Variants in ZNRF3 observed in about 807,000 individuals in gnomAD.
ZNRF3 encodes the protein zinc and ring finger 3.
ZNRF3 carries 23 observed loss-of-function variants against 72.5 expected under a neutral mutation model. The ratio of observed to expected loss-of-function variants is 0.32; its 90% confidence interval spans 0.23 to 0.45. The LOEUF is 0.45. Among genes scored for constraint, ZNRF3 ranks in the 20% least tolerant of loss-of-function variants. The pLI is 1.00. For synonymous variants in ZNRF3, 610 were observed against 545.3 expected (o/e 1.12, Z -1.65); for missense variants, 1,169 against 1,272.1 (o/e 0.92, Z 1.23).
At chr22:28,886,524 A>G (rs928212118) in intron 1 of ZNRF3, among the ~76,000 whole-genome samples, 1 of 152,192 alleles carries the variant, frequency 6.6e-6, no homozygotes, top group African/African-American at 2.4e-5. Flanking sequence ...ATTCCCAAAC[A>G]TTTTATCCAC....
At chr22:28,925,088 A>G (rs1177371841) in intron 1 of ZNRF3, among the ~76,000 whole-genome samples, 4 of 152,202 alleles carry the variant, frequency 2.6e-5, no homozygotes, top group East Asian at 1.9e-4. Context: ...ACATACCTCC[A>G]TGAGTGAAAT....
At chr22:28,998,533 A>G (rs765814815) in intron 2 of ZNRF3, among the ~76,000 whole-genome samples, 38 of 152,186 alleles carry the variant, frequency 2.5e-4, no homozygotes, top group Non-Finnish European at 4.4e-4. Context: ...TTAGTAAAGG[A>G]AATCAGATCA....
At chr22:28,940,410 G>T (rs1381796087) in intron 1 of ZNRF3, among the ~76,000 whole-genome samples, 1 of 151,050 alleles carries the variant, frequency 6.6e-6, no homozygotes, top group Non-Finnish European at 1.5e-5. Flanking sequence ...AGCTAAACTT[G>T]TTAGAGTATG....
chr22:28,974,712 C>G (rs1437740184), intron 1 of ZNRF3, among the ~76,000 whole-genome samples: 1 of 152,176 alleles, frequency 6.6e-6, no homozygotes, highest in Non-Finnish European at 1.5e-5. Flanking sequence ...ATGGCCAGAT[C>G]CTAGCTCACT....
chr22:28,927,920 C>T (rs1377055478), intron 1 of ZNRF3, among the ~76,000 whole-genome samples: 2 of 152,308 alleles, frequency 1.3e-5, no homozygotes, highest in East Asian at 3.9e-4. Context: ...GTGACTTTAG[C>T]TACCTGGGTA....
chr22:29,035,686 C>T (rs989933304), intron 2 of ZNRF3, among the ~76,000 whole-genome samples: 5 of 152,224 alleles, frequency 3.3e-5, no homozygotes, highest in Admixed American at 3.3e-4. Flanking sequence ...AGCAATTCTC[C>T]TGCCTCAGCC....
chr22:28,899,688 TC>T (rs1370673583), intron 1 of ZNRF3, among the ~76,000 whole-genome samples: 22 of 150,880 alleles, frequency 1.5e-4, no homozygotes, highest in East Asian at 9.7e-4. Context: ...CTTCTTTCTT[TC>T]TTTCTTTTTT....
chr22:28,899,971 T>C (rs2034073560), intron 1 of ZNRF3, among the ~76,000 whole-genome samples: 1 of 152,204 alleles, frequency 6.6e-6, no homozygotes, highest in South Asian at 2.1e-4. Flanking sequence ...ATTGTCCTTT[T>C]GCAAAGGTGT....
Position 28,960,953 on chromosome 22 carries a change from C to T in ZNRF3, c.301-26123C>T, listed in dbSNP as rs529434323. On this transcript the variant is annotated intron_variant, in intron 1 of 8. Transcript: ENST00000544604. Reference sequence around the variant, plus strand: ...CACATCATCTCAATTTATCATGTTGCTGTTTATCTTTTTAACATAAAGTTT... The same window carrying T: ...CACATCATCTCAATTTATCATGTTGTTGTTTATCTTTTTAACATAAAGTTT... Among the ~76,000 whole-genome samples, 4 of 152,306 alleles carry T rather than the reference C, an allele frequency of 2.6e-5. No homozygotes were observed. The East Asian group carries it at 5.8e-4, about 22-fold the overall frequency.
chr22:28,919,630 C>G (rs1308167656), intron 1 of ZNRF3, among the ~76,000 whole-genome samples: 1 of 151,782 alleles, frequency 6.6e-6, no homozygotes, highest in Non-Finnish European at 1.5e-5. Context: ...CCTCAGCCTC[C>G]CGAGTAGCTG....
Position 28,991,007 on chromosome 22 carries a change from C to A in ZNRF3, c.426+3806C>A, listed in dbSNP as rs1421995619. On this transcript the variant is annotated intron_variant, in intron 2 of 8. Coordinates refer to ENST00000544604, the MANE Select transcript of ZNRF3 (RefSeq NM_001206998.2). ...GGTTTGGAAAACAGCATGGGCCAGG[C>A]GTGGTGGCTCACGCCTGTAATCCTA... Among the ~76,000 whole-genome samples, 3 of 151,912 alleles carry A rather than the reference C, an allele frequency of 2.0e-5. 1 individual carries two copies. Among genetic ancestry groups the A allele is most frequent in the African/African-American group, 7.3e-5 (3 of 41,354 alleles).
chr22:28,949,297 C>T (rs1468952018), intron 1 of ZNRF3, among the ~76,000 whole-genome samples: 3 of 150,508 alleles, frequency 2.0e-5, no homozygotes. Context: ...ATTTTTGAGT[C>T]AGGGTCTGAC....
intron 1 of ZNRF3, among the ~76,000 whole-genome samples, chr22:28,926,640 T>C (rs2034607304): frequency 6.6e-6 from 1 of 151,476 alleles, no homozygotes; most frequent in East Asian, 1.9e-4. Context: ...CCATCTCTAC[T>C]AAAAATACAG....
At chr22:28,964,295 G>A (rs1308752822) in intron 1 of ZNRF3, among the ~76,000 whole-genome samples, 1 of 152,118 alleles carries the variant, frequency 6.6e-6, no homozygotes, top group Non-Finnish European at 1.5e-5. Context: ...ATTCAGTGTG[G>A]GTCTCTATCC....
intron 2 of ZNRF3, among the ~76,000 whole-genome samples, chr22:29,034,283 C>T (rs1485053481): frequency 3.9e-5 from 6 of 152,190 alleles, no homozygotes; most frequent in Admixed American, 6.5e-5. Flanking sequence ...ACTGTATACT[C>T]GAATGTTTCC....
At chr22:28,930,232 T>C (rs1293335201) in intron 1 of ZNRF3, among the ~76,000 whole-genome samples, 3 of 152,220 alleles carry the variant, frequency 2.0e-5, no homozygotes, top group Non-Finnish European at 2.9e-5. Context: ...TAGAATAAAA[T>C]AGTATATTTT....
chr22:28,929,408 C>T (rs1004047238), intron 1 of ZNRF3, among the ~76,000 whole-genome samples: 1 of 152,156 alleles, frequency 6.6e-6, no homozygotes, highest in Admixed American at 6.5e-5. Flanking sequence ...AGGACTCTAC[C>T]CACAGGACGC....
chr22:29,027,592 A>T (rs907385628), intron 2 of ZNRF3, among the ~76,000 whole-genome samples: 4 of 152,046 alleles, frequency 2.6e-5, no homozygotes, highest in Non-Finnish European at 5.9e-5. Flanking sequence ...CCGACATACC[A>T]CTGGGCTGAC....
At chr22:28,969,736 A>T (rs995953085) in intron 1 of ZNRF3, among the ~76,000 whole-genome samples, 1 of 152,116 alleles carries the variant, frequency 6.6e-6, no homozygotes, top group Admixed American at 6.5e-5. Context: ...TTTTAACAGG[A>T]TTGCTCTGGC....
Sources: gnomAD v4.1 joint callset for allele counts (sites outside exome capture counted in the v4.1 genomes callset) on GRCh38, gnomAD v4.1.1 for gene constraint, MANE v1.5 for transcripts, NCBI Gene and HGNC (gene_info 2026-07-23, HGNC 2026-07-21) for gene names.